HERC1: variants seen among roughly 807,000 people sequenced by gnomAD.
The protein encoded by HERC1 is probable E3 ubiquitin-protein ligase HERC1.
HERC1 carries 160 observed loss-of-function variants against 554.3 expected under a neutral mutation model. The ratio of observed to expected loss-of-function variants is 0.29; its 90% CI spans 0.25 to 0.33. The LOEUF (loss-of-function observed/expected upper bound fraction) is 0.33, where lower values mean the gene tolerates loss of function less well. Ranked by LOEUF, HERC1 falls within the 10% of genes least tolerant of loss-of-function variation. The pLI is 1.00. For missense variants in HERC1, 4,919 were observed against 5,918.5 expected, an observed-to-expected ratio of 0.83 and a Z score of 5.54; for synonymous variants, 2,175 against 2,131.7, an observed-to-expected ratio of 1.02 and a Z score of -0.56.
At chr15:63,613,478 C>G (rs1457534098) in intron 76 of HERC1, among the ~76,000 whole-genome samples, 1 of 152,114 alleles carries the variant, frequency 6.6e-6, no homozygotes, top group Non-Finnish European at 1.5e-5. Context: ...TGCTCTTGGC[C>G]AACTCAAAAC....
In HERC1 at chr15:63,638,737, T is replaced by C; in HGVS notation, c.11941A>G (p.Met3981Val). The C allele has an allele frequency of 1.2e-6, 2 of 1,613,600 alleles. No homozygotes were observed. The highest frequency in any genetic ancestry group is 2.2e-5 in the East Asian group (1 of 44,892). ...KWINGMDEQI[M>V]SWATSRPEDW... Reference sequence around the variant, plus strand: ...TCAGGTCTGGAAGTTGCCCAAGACATAATTTGTTCATCCATGCCGTTAATC... The same window carrying C: ...TCAGGTCTGGAAGTTGCCCAAGACACAATTTGTTCATCCATGCCGTTAATC... The change falls in exon 62 of 78, where the codon ATG (methionine) becomes GTG (valine). Residue 3981 changes from methionine (M) to valine (V), a missense_variant. Met to Val is a conservative substitution (Grantham distance 21, BLOSUM62 1). Around this residue, in one of 11 missense-constraint regions of HERC1, gnomAD observed 1,963 missense variants for 2,228.6 expected, o/e 0.88. Coordinates refer to ENST00000443617, the MANE Select transcript of HERC1 (RefSeq NM_003922.4).
At chr15:63,653,538 C>T (rs971465424) in intron 51 of HERC1, among the ~76,000 whole-genome samples, 8 of 152,158 alleles carry the variant, frequency 5.3e-5, no homozygotes, top group Non-Finnish European at 1.0e-4. Flanking sequence ...TTTCCTTTTG[C>T]GTGTTGTCCT....
chr15:63,721,589 C>A (rs1003207485), intron 19 of HERC1, among the ~76,000 whole-genome samples: 2 of 151,926 alleles, frequency 1.3e-5, no homozygotes, highest in African/African-American at 4.8e-5. Context: ...ATTGGCAGAT[C>A]TGAATAATAT....
intron 12 of HERC1, among the ~76,000 whole-genome samples, chr15:63,739,911 T>TTTTA (rs2074723710): frequency 2.6e-5 from 4 of 151,352 alleles, no homozygotes; most frequent in Admixed American, 6.6e-5. Flanking sequence ...ACTTAGCATA[T>TTTTA]TTTATTTTTT....
At chr15:63,659,370 G>A (rs1268855385) in intron 47 of HERC1, among the ~76,000 whole-genome samples, 1 of 152,058 alleles carries the variant, frequency 6.6e-6, no homozygotes, top group African/African-American at 2.4e-5. Context: ...TTCTGCCTCA[G>A]CCTCCTGAGT....
chr15:63,819,044 C>T (rs2077594859), intron 1 of HERC1, among the ~76,000 whole-genome samples: 1 of 152,304 alleles, frequency 6.6e-6, no homozygotes, highest in South Asian at 2.1e-4. Context: ...TTGGCCCATT[C>T]GTAATGCCAA....
intron 62 of HERC1, 56 bp from the exon 63 acceptor site, chr15:63,638,592 G>A (rs1420308177): frequency 4.3e-6 from 7 of 1,611,252 alleles, no homozygotes. Context: ...AAACAGCCAT[G>A]TACTACGTAC....
At chr15:63,673,119 G>A (rs1276495092) in intron 38 of HERC1, among the ~76,000 whole-genome samples, 1 of 152,034 alleles carries the variant, frequency 6.6e-6, no homozygotes, top group Non-Finnish European at 1.5e-5. Context: ...AATACAAGAA[G>A]AGTAAAAACC....
chr15:63,734,695 G>C lies in HERC1; in HGVS notation c.2646+29C>G. The C allele has an allele frequency of 1.3e-6, 2 of 1,506,730 alleles. No homozygotes were observed. The highest frequency in any genetic ancestry group is 1.8e-6 in the Non-Finnish European group (2 of 1,134,816). 93.3% of individuals were successfully genotyped at this position (1,506,730 alleles called of 1,614,324 possible). ...AGTCCAAATTTTTAGGATACTACTGGTTTACTTACACAGCAAGCAAAGGCC... is the reference window on the plus strand; with the variant it reads ...AGTCCAAATTTTTAGGATACTACTGCTTTACTTACACAGCAAGCAAAGGCC... On this transcript the variant is annotated intron_variant, in intron 13 of 77. Transcript: ENST00000443617. This position sits in a 1 kb window ranked among gnomAD's most constrained non-coding sequence, Gnocchi z 4.6.
At chr15:63,789,532 T>C (rs1334886837) in intron 1 of HERC1, among the ~76,000 whole-genome samples, 3 of 152,028 alleles carry the variant, frequency 2.0e-5, no homozygotes, top group Non-Finnish European at 4.4e-5. Context: ...GCATGGTGGC[T>C]TACGCCTGTG....
At chr15:63,791,868 T>C (rs2076663894) in intron 1 of HERC1, among the ~76,000 whole-genome samples, 1 of 152,200 alleles carries the variant, frequency 6.6e-6, no homozygotes, top group South Asian at 2.1e-4. Flanking sequence ...GCTAAATAAT[T>C]ATCTGTTGGC....
rs917883395 is a variant in HERC1, at chr15:63,706,800, G to A, written c.4616C>T (p.Ala1539Val). The change falls in exon 25 of 78, where the codon GCA becomes GTA. Residue 1539 changes from alanine (A) to valine (V), a missense_variant. Transcript: ENST00000443617. The part of the protein sequence containing the change: ...SGRRNVDLDL[A>V]ASHRKRGPMH... ...CTTACCTCTCTTTCTGTGAGATGCT[G>A]CCAAATCCAAATCAACATTTCGTCT... 2.6e-6 allele frequency: 4 copies of A among 1,541,886 alleles called. No homozygotes were observed. Among genetic ancestry groups the A allele is most frequent in the East Asian group, 2.4e-5 (1 of 41,120 alleles).
At chr15:63,671,788 CCTT>C (rs1348133867) in intron 39 of HERC1, among the ~76,000 whole-genome samples, 1 of 152,094 alleles carries the variant, frequency 6.6e-6, no homozygotes, top group Non-Finnish European at 1.5e-5. Flanking sequence ...AATCGTAATG[CCTT>C]CTTAACTAAG....
chr15:63,663,197 T>C lies in HERC1; in HGVS notation c.8688A>G (p.Leu2896=). 6.2e-7 allele frequency: 1 copy of C among 1,613,654 alleles called. No individual in the cohort carries two copies. Among genetic ancestry groups the C allele is most frequent in the Non-Finnish European group, 8.5e-7 (1 of 1,179,632 alleles). Residue 2896 remains leucine (L), a synonymous_variant, in exon 44 of 78, where the codon TTA becomes TTG. Transcript: ENST00000443617. ...TCCTGTGGGCCTGCACAGAGCGGTA[T>C]AATCCCGCTCAGAACAAAACAAAAA... is the stretch of plus-strand genomic sequence containing the variant. The part of the protein sequence containing the change: ...ARTLLARAAG[L]YRSVQAHRNQ...
At chr15:63,624,442 G>C in intron 71 of HERC1, 115 bp from the exon 72 acceptor site, 1 of 884,484 alleles carries the variant, frequency 1.1e-6, no homozygotes, top group Non-Finnish European at 1.7e-6. Flanking sequence ...CATGCCTGTA[G>C]TCCCAGCACT....
Position 63,674,671 on chromosome 15 carries a change from A to G in HERC1, c.7517T>C (p.Val2506Ala), listed in dbSNP as rs1460751190. The G allele has an allele frequency of 9.3e-6, 15 of 1,613,782 alleles. No individual in the cohort carries two copies. The highest frequency in any genetic ancestry group is 1.3e-5 in the Non-Finnish European group (15 of 1,179,832). ...ACCGAGGTAAAGATAGGACAGCTGG[A>G]CTGCTCTGATTTCTGACTGGGCTAC... is the stretch of plus-strand genomic sequence containing the variant. ...HDVAQSEIRA[V>A]QLSYLYLGAM... The change falls in exon 38 of 78, where the codon GTC becomes GCC. Residue 2506 changes from valine (V) to alanine (A), a missense_variant. Physicochemically the swap from Val to Ala is moderately conservative, Grantham distance 64. Coordinates refer to ENST00000443617, the MANE Select transcript of HERC1 (RefSeq NM_003922.4).
rs1042679537 is a variant in HERC1, at chr15:63,775,912, C to A, written c.-26-263G>T. Among the ~76,000 whole-genome samples, 2 of 152,050 alleles carry A rather than the reference C, an allele frequency of 1.3e-5. No homozygotes were observed. Among genetic ancestry groups the A allele is most frequent in the African/African-American group, 4.8e-5 (2 of 41,384 alleles). On this transcript the variant is annotated intron_variant, in intron 1 of 77. Coordinates refer to ENST00000443617, the MANE Select transcript of HERC1 (RefSeq NM_003922.4). This position sits in a 1 kb window ranked among gnomAD's most constrained non-coding sequence, Gnocchi z 4.0. ...AATTAGCCAGGCATGGTGGCACATACCTCTAGTCCCAGCTGCTTGGGAGGC... is the reference window on the plus strand; with the variant it reads ...AATTAGCCAGGCATGGTGGCACATAACTCTAGTCCCAGCTGCTTGGGAGGC...
intron 1 of HERC1, among the ~76,000 whole-genome samples, chr15:63,797,718 T>C (rs1596280567): frequency 1.3e-5 from 2 of 152,246 alleles, no homozygotes; most frequent in Non-Finnish European, 2.9e-5. Context: ...TAGTGGTCTC[T>C]GTTAATTGAT....
At chr15:63,713,866 T>A (rs1251228876) in intron 22 of HERC1, 1 of 484,552 alleles carries the variant, frequency 2.1e-6, no homozygotes, top group Admixed American at 3.5e-5. Flanking sequence ...TTCATAAAAA[T>A]TACATTAGGA....
Sources: allele counts gnomAD v4.1 joint callset (sites outside exome capture counted in the v4.1 genomes callset), GRCh38; gene constraint gnomAD v4.1.1; regional missense constraint gnomAD v4.1.1; non-coding constraint Gnocchi (gnomAD v3.1); transcripts MANE v1.5; gene names NCBI Gene and HGNC (gene_info 2026-07-23, HGNC 2026-07-21).